Variants in DRC11 observed in about 807,000 individuals in gnomAD.
DRC11 encodes IQ and AAA domain-containing protein 1.
At chr2:236,491,942 A>G in the DRC11 span, among the ~76,000 whole-genome samples, 27,614 of 152,146 alleles carry the variant, frequency 0.18, 2,886 homozygotes, top group Middle Eastern at 0.27. Flanking sequence ...AAGAGGTGAT[A>G]AGGTCATGAG....
At chr2:236,399,636 G>A in the DRC11 span, 82 of 675,112 alleles carry the variant, frequency 1.2e-4, no homozygotes, top group Middle Eastern at 5.0e-4. This position sits in a 1 kb window ranked among gnomAD's most constrained non-coding sequence, Gnocchi z 7.0. Flanking sequence ...TCTAAGTATG[G>A]AGTGCTGTGT....
the DRC11 span, among the ~76,000 whole-genome samples, chr2:236,409,523 T>C: frequency 6.6e-6 from 1 of 151,970 alleles, no homozygotes; most frequent in Admixed American, 6.6e-5. Context: ...GACAATGGGG[T>C]TTTCTAGATA....
the DRC11 span, among the ~76,000 whole-genome samples, chr2:236,365,757 A>G: frequency 0.18 from 27,395 of 151,864 alleles, 2,696 homozygotes; most frequent in Non-Finnish European, 0.23. The surrounding 1 kb of genome is among the most constrained non-coding windows in gnomAD (Gnocchi z 7.4). Flanking sequence ...GGCCTCTTCA[A>G]CGGGGGCCTG....
the DRC11 span, chr2:236,391,844 G>T: frequency 4.1e-6 from 3 of 723,928 alleles, no homozygotes. This position sits in a 1 kb window ranked among gnomAD's most constrained non-coding sequence, Gnocchi z 4.5. Context: ...ATTTACCAAA[G>T]GCAGGCATGT....
chr2:236,331,324 G>T, the DRC11 span: 1 of 1,444,262 alleles, frequency 6.9e-7, no homozygotes, highest in Non-Finnish European at 9.8e-7. This position sits in a 1 kb window ranked among gnomAD's most constrained non-coding sequence, Gnocchi z 4.8. Context: ...AGGAGTGTCT[G>T]CTGCTAAGAC....
the DRC11 span, chr2:236,331,402 G>A: frequency 6.2e-7 from 1 of 1,613,886 alleles, no homozygotes; most frequent in Non-Finnish European, 8.5e-7. The surrounding 1 kb of genome is among the most constrained non-coding windows in gnomAD (Gnocchi z 4.8). Flanking sequence ...ATTCATGCTG[G>A]TTATCGCCGT....
At chr2:236,472,595 G>A in the DRC11 span, among the ~76,000 whole-genome samples, 7 of 152,216 alleles carry the variant, frequency 4.6e-5, no homozygotes, top group African/African-American at 1.7e-4. The surrounding 1 kb of genome is among the most constrained non-coding windows in gnomAD (Gnocchi z 4.6). Context: ...GTCAGATATC[G>A]TGACAACATA....
the DRC11 span, chr2:236,380,781 T>TACAC: frequency 1.5e-6 from 1 of 667,720 alleles, no homozygotes; most frequent in Non-Finnish European, 2.6e-6. The surrounding 1 kb of genome is among the most constrained non-coding windows in gnomAD (Gnocchi z 4.9). Context: ...CTGCCGTGTT[T>TACAC]TCATGAACGT....
the DRC11 span, among the ~76,000 whole-genome samples, chr2:236,478,867 C>T: frequency 6.6e-6 from 1 of 151,402 alleles, no homozygotes; most frequent in East Asian, 1.9e-4. The surrounding 1 kb of genome is among the most constrained non-coding windows in gnomAD (Gnocchi z 5.9). Flanking sequence ...CTCTGTCACC[C>T]AGGCTGGAGT....
chr2:236,422,496 G>T, the DRC11 span, among the ~76,000 whole-genome samples: 1 of 152,180 alleles, frequency 6.6e-6, no homozygotes, highest in Non-Finnish European at 1.5e-5. Context: ...ACTTACAAGG[G>T]ACGTGAAGGA....
the DRC11 span, among the ~76,000 whole-genome samples, chr2:236,317,140 C>G: frequency 1.3e-5 from 2 of 152,012 alleles, no homozygotes; most frequent in Non-Finnish European, 2.9e-5. The surrounding 1 kb of genome is among the most constrained non-coding windows in gnomAD (Gnocchi z 5.4). Context: ...TACTAAAATA[C>G]AAAAAATTAG....
At chr2:236,454,557 T>G in the DRC11 span, 1 of 152,224 alleles carries the variant, frequency 6.6e-6, no homozygotes, top group East Asian at 1.9e-4. The surrounding 1 kb of genome is among the most constrained non-coding windows in gnomAD (Gnocchi z 5.3). Flanking sequence ...ATAATGAGCC[T>G]CTAACTCACC....
chr2:236,355,311 C>T, the DRC11 span, among the ~76,000 whole-genome samples: 6 of 152,240 alleles, frequency 3.9e-5, no homozygotes, highest in Non-Finnish European at 5.9e-5. Flanking sequence ...GAGGCCCTGC[C>T]TATGTGGGAG....
chr2:236,378,373 T>C, the DRC11 span, among the ~76,000 whole-genome samples: 12 of 151,866 alleles, frequency 7.9e-5, no homozygotes, highest in African/African-American at 2.7e-4. Context: ...ATCGAACAAA[T>C]GATATTAAGA....
At chr2:236,340,404 G>C in the DRC11 span, among the ~76,000 whole-genome samples, 1 of 152,210 alleles carries the variant, frequency 6.6e-6, no homozygotes, top group African/African-American at 2.4e-5. Flanking sequence ...GATTACAAGT[G>C]TGAGCCACCG....
the DRC11 span, among the ~76,000 whole-genome samples, chr2:236,357,671 AAT>A: frequency 3.6e-4 from 45 of 124,912 alleles, no homozygotes; most frequent in East Asian, 3.5e-3. Context: ...ATAATACATA[AAT>A]ATATATTTAC....
the DRC11 span, among the ~76,000 whole-genome samples, chr2:236,377,540 A>C: frequency 6.6e-6 from 1 of 152,220 alleles, no homozygotes; most frequent in Non-Finnish European, 1.5e-5. The surrounding 1 kb of genome is among the most constrained non-coding windows in gnomAD (Gnocchi z 4.9). Context: ...TGGACCTATA[A>C]TTATATATTC....
the DRC11 span, among the ~76,000 whole-genome samples, chr2:236,317,943 G>A: frequency 6.6e-6 from 1 of 152,138 alleles, no homozygotes; most frequent in African/African-American, 2.4e-5. This position sits in a 1 kb window ranked among gnomAD's most constrained non-coding sequence, Gnocchi z 5.4. Flanking sequence ...CCGTGGGAGG[G>A]TCCCAGATCA....
At chr2:236,364,559 A>C in the DRC11 span, among the ~76,000 whole-genome samples, 1 of 151,924 alleles carries the variant, frequency 6.6e-6, no homozygotes, top group African/African-American at 2.4e-5. Flanking sequence ...TTGATAATGA[A>C]GTGACTTGAA....
Sources: allele counts gnomAD v4.1 joint callset (sites outside exome capture counted in the v4.1 genomes callset), GRCh38; gene constraint gnomAD v4.1.1; non-coding constraint Gnocchi (gnomAD v3.1); transcripts MANE v1.5; gene names NCBI Gene and HGNC (gene_info 2026-07-23, HGNC 2026-07-21).